Variants in PRELID2 observed in about 807,000 individuals in gnomAD.
The protein encoded by PRELID2 is PRELI domain containing 2.
PRELID2 carries 25 observed loss-of-function variants against 28.4 expected under a neutral mutation model. That is an observed-to-expected ratio of 0.88 (90% confidence interval 0.64 to 1.23). The LOEUF (loss-of-function observed/expected upper bound fraction) is 1.23, where lower values mean the gene tolerates loss of function less well. Ranked by LOEUF, PRELID2 falls within the 50% of genes most tolerant of loss-of-function variation. The pLI is 0.00. For synonymous variants in PRELID2, 76 were observed against 71.6 expected (o/e 1.06, Z -0.31); for missense variants, 201 against 214.4 (o/e 0.94, Z 0.39).
At chr5:145,739,786 A>T (rs1756600433) in intron 1 of PRELID2, among the ~76,000 whole-genome samples, 2 of 152,126 alleles carry the variant, frequency 1.3e-5, no homozygotes, top group South Asian at 4.1e-4. Context: ...GTTTAAAGTT[A>T]TGTATATATA....
chr5:145,733,071 C>A (rs527259855), intron 1 of PRELID2, among the ~76,000 whole-genome samples: 10 of 149,270 alleles, frequency 6.7e-5, no homozygotes, highest in African/African-American at 2.5e-4. Flanking sequence ...CACACTCAGA[C>A]CCTGTCTCTA....
the PRELID2 span, among the ~76,000 whole-genome samples, chr5:145,232,101 A>G: frequency 2.2e-4 from 33 of 152,260 alleles, no homozygotes; most frequent in African/African-American, 7.5e-4. Context: ...GTAGAGGTTA[A>G]TGGAACCATA....
At chr5:145,452,117 T>C in the PRELID2 span, among the ~76,000 whole-genome samples, 34,278 of 152,168 alleles carry the variant, frequency 0.23, 4,138 homozygotes, top group South Asian at 0.35. Flanking sequence ...AGACATATCC[T>C]TCTATGTGGT....
At chr5:145,652,351 C>T (rs1311669288) in intron 1 of PRELID2, among the ~76,000 whole-genome samples, 2 of 152,160 alleles carry the variant, frequency 1.3e-5, no homozygotes, top group Non-Finnish European at 2.9e-5. Context: ...CCAGAACTTC[C>T]ACAACCTAGC....
At chr5:145,710,332 T>C (rs1022908482) in intron 1 of PRELID2, among the ~76,000 whole-genome samples, 15 of 152,208 alleles carry the variant, frequency 9.9e-5, no homozygotes, top group African/African-American at 3.4e-4. Context: ...TAGGTCTATG[T>C]GGGATATTTT....
intron 1 of PRELID2, among the ~76,000 whole-genome samples, chr5:145,736,832 A>G (rs191492042): frequency 3.1e-3 from 477 of 152,348 alleles, no homozygotes; most frequent in Middle Eastern, 0.01. Flanking sequence ...CGTTGTGGAC[A>G]AGATGAATAA....
At chr5:145,596,458 T>C (rs1172950647) in intron 1 of PRELID2, among the ~76,000 whole-genome samples, 2 of 151,920 alleles carry the variant, frequency 1.3e-5, no homozygotes, top group Non-Finnish European at 2.9e-5. Context: ...GCCAAAACAT[T>C]GGGTGATTCT....
chr5:145,448,174 T>C, the PRELID2 span, among the ~76,000 whole-genome samples: 1 of 151,804 alleles, frequency 6.6e-6, no homozygotes, highest in African/African-American at 2.4e-5. Flanking sequence ...CTAACTGGTG[T>C]GAGATGGTAT....
chr5:145,611,739 C>T (rs1056270769), intron 1 of PRELID2, among the ~76,000 whole-genome samples: 1 of 152,158 alleles, frequency 6.6e-6, no homozygotes, highest in Non-Finnish European at 1.5e-5. Flanking sequence ...CAATCCCTAT[C>T]AAAATCCCAA....
At chr5:145,364,313 A>C in the PRELID2 span, among the ~76,000 whole-genome samples, 2 of 152,002 alleles carry the variant, frequency 1.3e-5, no homozygotes, top group Non-Finnish European at 2.9e-5. Flanking sequence ...TGGGGGATGC[A>C]TTACAACTAT....
At chr5:145,299,695 A>G in the PRELID2 span, among the ~76,000 whole-genome samples, 1 of 150,260 alleles carries the variant, frequency 6.7e-6, no homozygotes, top group Non-Finnish European at 1.5e-5. Context: ...ATAAGATTTT[A>G]TGGGACTCCA....
chr5:145,593,320 G>T (rs1753257133), intron 1 of PRELID2, among the ~76,000 whole-genome samples: 1 of 152,118 alleles, frequency 6.6e-6, no homozygotes, highest in African/African-American at 2.4e-5. Flanking sequence ...TAGAGAAGTG[G>T]CCAAATACAA....
chr5:145,646,150 C>A (rs1754192703), intron 1 of PRELID2, among the ~76,000 whole-genome samples: 1 of 152,190 alleles, frequency 6.6e-6, no homozygotes, highest in Non-Finnish European at 1.5e-5. Flanking sequence ...TCCATACTCC[C>A]AGTCACTTTT....
intron 1 of PRELID2, among the ~76,000 whole-genome samples, chr5:145,547,097 A>G (rs1336251296): frequency 6.6e-6 from 1 of 152,228 alleles, no homozygotes; most frequent in African/African-American, 2.4e-5. Context: ...GACTTCTTCA[A>G]ACAAGAATAT....
rs141857637 is a variant in PRELID2, at chr5:145,827,609, A to G, written c.76-4475T>C. 4.7e-3 allele frequency among the ~76,000 whole-genome samples: 715 copies of G among 152,296 alleles called. 1 individual carries two copies. Among genetic ancestry groups the G allele is most frequent in the African/African-American group, 0.016 (646 of 41,560 alleles). ...AGCCTCTTTCTTTCAAAAATGACCC[A>G]ATAATCAGCAACGGCATAGTGAAGG... is the stretch of plus-strand genomic sequence containing the variant. On this transcript the variant is annotated intron_variant, in intron 1 of 6. Transcript: ENST00000683046.
the PRELID2 span, among the ~76,000 whole-genome samples, chr5:145,345,730 C>T: frequency 1.3e-5 from 2 of 151,990 alleles, no homozygotes; most frequent in African/African-American, 4.8e-5. Flanking sequence ...TTGCTGAATG[C>T]TGGGCTATTA....
intron 1 of PRELID2, among the ~76,000 whole-genome samples, chr5:145,700,641 G>T (rs1261599510): frequency 6.6e-6 from 1 of 152,058 alleles, no homozygotes; most frequent in African/African-American, 2.4e-5. Context: ...ATCTGTCCTT[G>T]CTGCCCACCA....
the PRELID2 span, among the ~76,000 whole-genome samples, chr5:145,384,838 C>T: frequency 1.3e-5 from 2 of 152,128 alleles, no homozygotes; most frequent in Non-Finnish European, 2.9e-5. Context: ...GTCACTCTGC[C>T]ACGAGGAGAG....
At chr5:145,725,410 G>C (rs1561559412) in intron 1 of PRELID2, among the ~76,000 whole-genome samples, 1 of 152,166 alleles carries the variant, frequency 6.6e-6, no homozygotes, top group Non-Finnish European at 1.5e-5. Flanking sequence ...ATAGAAACCA[G>C]TATAGCCATT....
Sources: allele counts gnomAD v4.1 joint callset (sites outside exome capture counted in the v4.1 genomes callset), GRCh38; gene constraint gnomAD v4.1.1; transcripts MANE v1.5; gene names NCBI Gene and HGNC (gene_info 2026-07-23, HGNC 2026-07-21).